The following WWOX variants were observed in gnomAD, a reference collection of about 807,000 sequenced individuals.
WWOX encodes WW domain containing oxidoreductase.
Under a neutral mutation model 46.2 loss-of-function variants are expected in WWOX, and 69 were observed. The observed-to-expected ratio is 1.49, with a 90% CI of 1.23 to 1.82. The LOEUF is 1.82. Ranked by LOEUF, WWOX falls within the 40% of genes most tolerant of loss-of-function variation. The pLI is 0.00. For synonymous variants in WWOX, 359 were observed against 202.6 expected (o/e 1.77, Z -6.56); for missense variants, 919 against 542.6 (o/e 1.69, Z -6.89).
At chr16:78,703,119 C>T (rs1200272510) in intron 8 of WWOX, among the ~76,000 whole-genome samples, 1 of 152,114 alleles carries the variant, frequency 6.6e-6, no homozygotes, top group Non-Finnish European at 1.5e-5. Flanking sequence ...TGCTTTTAGT[C>T]AGGAGGCAAA....
chr16:78,691,903 T>TG (rs1177091640), intron 8 of WWOX, among the ~76,000 whole-genome samples: 1 of 152,300 alleles, frequency 6.6e-6, no homozygotes, highest in East Asian at 1.9e-4. Flanking sequence ...AATTGAATCA[T>TG]GGGGCCCAGC....
intron 8 of WWOX, among the ~76,000 whole-genome samples, chr16:79,085,732 C>T (rs567701720): frequency 4.6e-5 from 7 of 152,206 alleles, no homozygotes; most frequent in African/African-American, 1.7e-4. Context: ...AGTCAAAAGG[C>T]ATTCAGAAGT....
intron 8 of WWOX, chr16:78,895,593 G>C (rs574547798): frequency 2.0e-5 from 3 of 152,292 alleles, no homozygotes; most frequent in Non-Finnish European, 4.4e-5. Context: ...GGAGGGTTTG[G>C]AAATGATGCC....
intron 8 of WWOX, chr16:78,552,297 T>C (rs749417672): frequency 1.3e-5 from 2 of 152,238 alleles, no homozygotes; most frequent in Non-Finnish European, 2.9e-5. Context: ...TCTGCTTCCA[T>C]ACGGGGTGTT....
intron 5 of WWOX, among the ~76,000 whole-genome samples, chr16:78,324,378 G>C (rs1298478586): frequency 6.6e-6 from 1 of 152,124 alleles, no homozygotes; most frequent in African/African-American, 2.4e-5. Flanking sequence ...TTGGAAAACA[G>C]TCGGCGGTTC....
chr16:78,424,772 A>G, intron 6 of WWOX, 98 bp from the exon 7 acceptor site: 2 of 1,309,494 alleles, frequency 1.5e-6, no homozygotes, highest in Non-Finnish European at 2.2e-6. Context: ...CCTTGGTTGT[A>G]GTGTTTATGT....
At chr16:78,751,080 A>G (rs1246087119) in intron 8 of WWOX, among the ~76,000 whole-genome samples, 1 of 152,170 alleles carries the variant, frequency 6.6e-6, no homozygotes, top group Non-Finnish European at 1.5e-5. Flanking sequence ...TATTTTTCAT[A>G]GGGACAAGGT....
chr16:78,104,076 C>G (rs570569147), intron 1 of WWOX, among the ~76,000 whole-genome samples: 2 of 152,098 alleles, frequency 1.3e-5, no homozygotes, highest in Non-Finnish European at 2.9e-5. Context: ...GGGACAAGGT[C>G]TCAGTGTCAG....
intron 6 of WWOX, among the ~76,000 whole-genome samples, chr16:78,423,977 C>T (rs895483162): frequency 2.0e-5 from 3 of 151,910 alleles, no homozygotes; most frequent in Non-Finnish European, 2.9e-5. Flanking sequence ...TATCCTTAAA[C>T]AACATGTGCC....
intron 8 of WWOX, among the ~76,000 whole-genome samples, chr16:78,447,513 G>C (rs1358572944): frequency 6.6e-6 from 1 of 152,196 alleles, no homozygotes; most frequent in African/African-American, 2.4e-5. Context: ...TTTATCAGAG[G>C]TGAAAGTATA....
At chr16:78,977,488 T>C (rs2046595805) in intron 8 of WWOX, among the ~76,000 whole-genome samples, 1 of 152,174 alleles carries the variant, frequency 6.6e-6, no homozygotes. Context: ...TCCTTTACTT[T>C]ATTTTCCCTA....
intron 8 of WWOX, among the ~76,000 whole-genome samples, chr16:78,787,193 G>A (rs920071615): frequency 2.0e-5 from 3 of 152,042 alleles, no homozygotes; most frequent in Non-Finnish European, 4.4e-5. Context: ...TCACCACTTT[G>A]ACCATTTTAA....
chr16:78,991,973 G>A lies in WWOX; in HGVS notation c.1057-219635G>A, dbSNP rs543529441. Reference sequence around the variant, plus strand: ...CATATTCATTAGTGGATGCAGGGGCGAAATGAAACTCAGGGGGTTGGGAAA... The same window carrying A: ...CATATTCATTAGTGGATGCAGGGGCAAAATGAAACTCAGGGGGTTGGGAAA... On this transcript the variant is annotated intron_variant, in intron 8 of 8. Coordinates refer to ENST00000566780, the MANE Select transcript of WWOX (RefSeq NM_016373.4). 5.9e-5 allele frequency among the ~76,000 whole-genome samples: 9 copies of A among 152,242 alleles called. No individual in the cohort carries two copies. In the South Asian group the frequency reaches 1.2e-3, roughly 21 times the overall value.
At chr16:78,478,946 T>C (rs1269430050) in intron 8 of WWOX, among the ~76,000 whole-genome samples, 1 of 152,190 alleles carries the variant, frequency 6.6e-6, no homozygotes, top group Non-Finnish European at 1.5e-5. Context: ...CATGGCCCCT[T>C]TTCTCCTTTG....
At chr16:78,411,918 C>T (rs777085186) in intron 6 of WWOX, among the ~76,000 whole-genome samples, 6 of 152,186 alleles carry the variant, frequency 3.9e-5, no homozygotes, top group Non-Finnish European at 8.8e-5. Context: ...GCTTTGGTTT[C>T]TACTGGAAAT....
chr16:78,625,844 C>T (rs2046299375), intron 8 of WWOX, among the ~76,000 whole-genome samples: 2 of 144,712 alleles, frequency 1.4e-5, no homozygotes, highest in Admixed American at 6.8e-5. Flanking sequence ...GCGGTTTTTG[C>T]CGTTACTTAA....
intron 8 of WWOX, among the ~76,000 whole-genome samples, chr16:78,904,640 A>C (rs1038542968): frequency 1.3e-5 from 2 of 152,152 alleles, no homozygotes; most frequent in Non-Finnish European, 2.9e-5. Context: ...CAGTGACCAC[A>C]TAATTTATCA....
chr16:79,079,191 C>G (rs1169320263), intron 8 of WWOX, among the ~76,000 whole-genome samples: 4 of 152,206 alleles, frequency 2.6e-5, no homozygotes, highest in African/African-American at 7.2e-5. Context: ...TCTGTCACCA[C>G]CACCTTTATT....
intron 6 of WWOX, among the ~76,000 whole-genome samples, chr16:78,422,951 T>C (rs112130100): frequency 0.011 from 1,644 of 150,998 alleles, 29 homozygotes; most frequent in African/African-American, 0.036. Context: ...AGTGACATGA[T>C]CTCTGCTCAC....
Sources: gnomAD v4.1 joint callset for allele counts (sites outside exome capture counted in the v4.1 genomes callset) on GRCh38, gnomAD v4.1.1 for gene constraint, MANE v1.5 for transcripts, NCBI Gene and HGNC (gene_info 2026-07-23, HGNC 2026-07-21) for gene names.